Variants in TRMO observed in about 807,000 individuals in gnomAD.
TRMO encodes the protein tRNA (adenine(37)-N6)-methyltransferase.
Under a neutral mutation model 37.2 loss-of-function variants are expected in TRMO, and 30 were observed. The ratio of observed to expected loss-of-function variants is 0.81; its 90% CI spans 0.60 to 1.09. The LOEUF is 1.09. Among genes scored for constraint, TRMO ranks in the 50% least tolerant of loss-of-function variants. The probability of loss-of-function intolerance (pLI) is 0.00; values close to 1 mark genes in which losing one functional copy is unlikely to be tolerated. For missense variants in TRMO, 552 were observed against 549.5 expected, an observed-to-expected ratio of 1.00 and a Z score of -0.05; for synonymous variants, 239 against 199.4, an observed-to-expected ratio of 1.20 and a Z score of -1.67.
downstream of TRMO, chr9:97,904,363 G>T: frequency 2.2e-6 from 1 of 451,708 alleles, no homozygotes; most frequent in Non-Finnish European, 3.0e-6. Context: ...TTTCCAGACA[G>T]ACAGGAAAAC....
rs754401670 is a variant in TRMO at position 97,916,114 on chromosome 9, G to A, written c.251+50C>T. On this transcript the variant is annotated intron_variant, in intron 2 of 4. Coordinates refer to ENST00000375119, the MANE Select transcript of TRMO (RefSeq NM_016481.5). Reference sequence around the variant, plus strand: ...TGCCTTCAACTAGAGTACTTTATTCGGGGGCAAGTTCTGGCCCAAAATCCT... The same window carrying A: ...TGCCTTCAACTAGAGTACTTTATTCAGGGGCAAGTTCTGGCCCAAAATCCT... 12 of 1,409,876 alleles carry A rather than the reference G, an allele frequency of 8.5e-6. No individual in the cohort carries two copies. In the South Asian group the frequency reaches 1.2e-4, roughly 14 times the overall value. The allele number at this position is 1,409,876 out of a possible 1,614,324, so 87.3% of individuals were successfully genotyped here. A position where few individuals can be genotyped will look rare whatever the true frequency, so the allele number is the denominator to read the frequency against.
downstream of TRMO, among the ~76,000 whole-genome samples, chr9:97,899,702 A>G (rs1831124311): frequency 6.6e-6 from 1 of 152,160 alleles, no homozygotes; most frequent in African/African-American, 2.4e-5. Flanking sequence ...CCTGGGCAAC[A>G]TGGCAAAACC....
chr9:97,910,534 G>A lies in TRMO; in HGVS notation c.492C>T (p.Asp164=), dbSNP rs1283362809. The A allele has an allele frequency of 2.5e-6, 4 of 1,614,196 alleles. No homozygotes were observed. In the East Asian group the frequency reaches 6.7e-5, roughly 27 times the overall value. The part of the protein sequence containing the change: ...LDIKPYIAEY[D]SPQNVMEPLA... ...AAGGCTCCATCACATTTTGCGGTGA[G>A]TCATACTCAGCTATGTAGGGCTTGA... is the stretch of plus-strand genomic sequence containing the variant. The change falls in exon 4 of 5, where the codon GAC becomes GAT. Residue 164 remains aspartate (D), a synonymous_variant. Transcript: ENST00000375119.
intron 1 of TRMO, among the ~76,000 whole-genome samples, chr9:97,919,552 C>T (rs993135749): frequency 4.6e-5 from 7 of 152,296 alleles, no homozygotes; most frequent in African/African-American, 1.4e-4. Context: ...ACTCTTACTA[C>T]AGTGGAATTT....
chr9:97,915,132 C>G (rs986025392), intron 2 of TRMO, among the ~76,000 whole-genome samples: 1 of 152,202 alleles, frequency 6.6e-6, no homozygotes, highest in African/African-American at 2.4e-5. Context: ...TAGACCGATT[C>G]AGACTGCTGA....
chr9:97,900,837 C>T, downstream of TRMO: 1 of 482,848 alleles, frequency 2.1e-6, no homozygotes, highest in Non-Finnish European at 2.7e-6. Flanking sequence ...TCATTTTCTT[C>T]TCTCCAAGAA....
intron 3 of TRMO, chr9:97,912,997 C>A (rs1198702818): frequency 2.7e-6 from 3 of 1,101,340 alleles, no homozygotes; most frequent in Non-Finnish European, 3.7e-6. Flanking sequence ...GAATGATATA[C>A]CACCAGTCTA....
intron 4 of TRMO, among the ~76,000 whole-genome samples, chr9:97,905,280 G>T (rs1825811649): frequency 6.6e-6 from 1 of 152,144 alleles, no homozygotes; most frequent in Non-Finnish European, 1.5e-5. Context: ...CAGCCAAGAT[G>T]TCACTTTTCT....
chr9:97,907,594 T>C (rs1825909739), intron 4 of TRMO, among the ~76,000 whole-genome samples: 1 of 152,148 alleles, frequency 6.6e-6, no homozygotes, highest in Non-Finnish European at 1.5e-5. Context: ...CCTTTGCATG[T>C]CACTGAGGTG....
chr9:97,903,267 T>TA (rs1177285063), downstream of TRMO, among the ~76,000 whole-genome samples: 11 of 148,842 alleles, frequency 7.4e-5, no homozygotes, highest in African/African-American at 2.0e-4. Flanking sequence ...GACTCATCTC[T>TA]AAAAAAAAAA....
chr9:97,921,081 A>AT (rs1351045388), intron 1 of TRMO, among the ~76,000 whole-genome samples: 5 of 152,212 alleles, frequency 3.3e-5, no homozygotes, highest in African/African-American at 4.8e-5. Flanking sequence ...GTGTGCAACA[A>AT]TTTTTTTTAA....
At chr9:97,920,435 C>A (rs1047512742) in intron 1 of TRMO, among the ~76,000 whole-genome samples, 1 of 152,158 alleles carries the variant, frequency 6.6e-6, no homozygotes, top group African/African-American at 2.4e-5. Flanking sequence ...GCTGTGTGAC[C>A]ATGGGAAAAA....
At chr9:97,913,284 C>G in intron 3 of TRMO, 117 bp downstream of exon 3, 1 of 1,157,698 alleles carries the variant, frequency 8.6e-7, no homozygotes, top group Non-Finnish European at 1.3e-6. Flanking sequence ...TCTGGTGGTT[C>G]TCAGGAGTTA....
At position 97,904,915 on chromosome 9, in the gene TRMO, C is replaced by A; in HGVS notation, c.1144G>T (p.Asp382Tyr). The change falls in exon 5 of 5, where the codon GAT becomes TAT. Residue 382 changes from aspartate (D) to tyrosine (Y), a missense_variant. Transcript: ENST00000375119. ...KRAIEAVLSA[D>Y]PRSVYRRKLC... Reference sequence around the variant, plus strand: ...TTCCGGCGGTACACAGACCGAGGATCCGCTGACAGCACAGCCTCAATGGCA... The same window carrying A: ...TTCCGGCGGTACACAGACCGAGGATACGCTGACAGCACAGCCTCAATGGCA... 1 of 1,614,188 alleles carries A rather than the reference C, an allele frequency of 6.2e-7. No homozygotes were observed. The highest frequency in any genetic ancestry group is 8.5e-7 in the Non-Finnish European group (1 of 1,180,030).
intron 1 of TRMO, among the ~76,000 whole-genome samples, chr9:97,918,054 C>T (rs759231011): frequency 2.6e-5 from 4 of 151,676 alleles, no homozygotes; most frequent in African/African-American, 9.7e-5. Flanking sequence ...AATTTAACTT[C>T]GTAATTTCTA....
chr9:97,922,273 A>C, intron 1 of TRMO, 145 bp downstream of exon 1: 1 of 630,984 alleles, frequency 1.6e-6, no homozygotes, highest in East Asian at 2.8e-5. Context: ...TGGTCTCCGC[A>C]GCACGTGACC....
At position 97,916,170 on chromosome 9, in the gene TRMO, T is replaced by G; in HGVS notation, c.245A>C (p.His82Pro). 2 of 1,585,902 alleles carry G rather than the reference T, an allele frequency of 1.3e-6. No individual in the cohort carries two copies. The highest frequency in any genetic ancestry group is 1.7e-6 in the Non-Finnish European group (2 of 1,168,444). Residue 82 changes from histidine to proline, a missense_variant, in exon 2 of 5, where the codon CAT (histidine) becomes CCT (proline). Physicochemically the swap from His to Pro is moderately conservative, Grantham distance 77. Transcript: ENST00000375119. ...TAACTATAAAGCAACTTACCAAACATGAGAAAACTGTTCTAGGCCCATCAA... is the reference window on the plus strand; with the variant it reads ...TAACTATAAAGCAACTTACCAAACAGGAGAAAACTGTTCTAGGCCCATCAA... The part of the protein sequence containing the change: ...HSLMGLEQFS[H>P]VWILFVFHKN...
Position 97,913,384 on chromosome 9 carries a change from G to A in TRMO, c.409+17C>T. ...TTGGGTGAGGAAAAAGGTAAAAGTA[G>A]AAATGAAATGGGTTACCTTCTACCT... On this transcript the variant is annotated intron_variant, in intron 3 of 4. Transcript: ENST00000375119. 1 of 1,613,606 alleles carries A rather than the reference G, an allele frequency of 6.2e-7. No homozygotes were observed. The highest frequency in any genetic ancestry group is 8.5e-7 in the Non-Finnish European group (1 of 1,179,852).
chr9:97,919,071 C>T (rs1340158506), intron 1 of TRMO, among the ~76,000 whole-genome samples: 1 of 152,132 alleles, frequency 6.6e-6, no homozygotes, highest in African/African-American at 2.4e-5. Context: ...TTTTTGACAA[C>T]TTTAATTTTT....
Sources: gnomAD v4.1 joint callset for allele counts (sites outside exome capture counted in the v4.1 genomes callset) on GRCh38, gnomAD v4.1.1 for gene constraint, MANE v1.5 for transcripts, NCBI Gene and HGNC (gene_info 2026-07-23, HGNC 2026-07-21) for gene names.